RBFOX1: variants seen among roughly 807,000 people sequenced by gnomAD.
RBFOX1 encodes RNA binding protein fox-1 homolog 1.
A neutral mutation model predicts 57.7 loss-of-function variants in RBFOX1; 8 were observed. The ratio of observed to expected loss-of-function variants is 0.14; its 90% CI spans 0.08 to 0.25. RBFOX1 has a LOEUF of 0.25. RBFOX1 is among the 10% of genes least tolerant of loss of function. The probability of loss-of-function intolerance (pLI) is 1.00; values close to 1 mark genes in which losing one functional copy is unlikely to be tolerated. For synonymous variants in RBFOX1, 326 were observed against 222.4 expected (o/e 1.47, Z -4.15); for missense variants, 611 against 548.5 (o/e 1.11, Z -1.14).
chr16:5,650,299 C>T (rs2049192232), intron 3 of RBFOX1, among the ~76,000 whole-genome samples: 1 of 152,148 alleles, frequency 6.6e-6, no homozygotes, highest in Non-Finnish European at 1.5e-5. Context: ...CAGCCACACT[C>T]CTCGTCCTCT....
chr16:6,308,606 A>T (rs1045435337), intron 1 of RBFOX1, among the ~76,000 whole-genome samples: 1 of 152,178 alleles, frequency 6.6e-6, no homozygotes, highest in African/African-American at 2.4e-5. Context: ...TGTATGTTGT[A>T]AGTAAAAGAA....
intron 5 of RBFOX1, among the ~76,000 whole-genome samples, chr16:7,560,385 G>A (rs2090032350): frequency 6.6e-6 from 1 of 151,886 alleles, no homozygotes; most frequent in South Asian, 2.1e-4. Context: ...TCAGAAACAT[G>A]ACACAATGAG....
chr16:6,534,079 C>T (rs535009824), intron 2 of RBFOX1, among the ~76,000 whole-genome samples: 4 of 152,134 alleles, frequency 2.6e-5, no homozygotes, highest in Admixed American at 6.5e-5. Flanking sequence ...CATATCTGCA[C>T]ATAAGGCTTC....
chr16:6,754,422 A>G (rs892730228), intron 3 of RBFOX1, among the ~76,000 whole-genome samples: 1 of 152,228 alleles, frequency 6.6e-6, no homozygotes, highest in Non-Finnish European at 1.5e-5. Flanking sequence ...TTCAAAACCT[A>G]CGGTCGAAGA....
chr16:6,532,377 A>C (rs980317808), intron 2 of RBFOX1, among the ~76,000 whole-genome samples: 3 of 152,180 alleles, frequency 2.0e-5, no homozygotes, highest in Non-Finnish European at 4.4e-5. Context: ...GGAGGGTTTC[A>C]GAGCTGCCCT....
intron 4 of RBFOX1, among the ~76,000 whole-genome samples, chr16:5,898,731 T>C (rs1361700458): frequency 2.0e-5 from 3 of 151,976 alleles, no homozygotes; most frequent in African/African-American, 4.8e-5. Flanking sequence ...TATGCTCTAC[T>C]ATTTTGTAGC....
intron 3 of RBFOX1, among the ~76,000 whole-genome samples, chr16:6,757,687 A>G (rs1298857355): frequency 6.6e-6 from 1 of 152,146 alleles, no homozygotes; most frequent in East Asian, 1.9e-4. Flanking sequence ...ATTAATAAGT[A>G]CAAACATATG....
chr16:5,546,794 C>A (rs1304797154), intron 2 of RBFOX1, among the ~76,000 whole-genome samples: 1 of 152,124 alleles, frequency 6.6e-6, no homozygotes, highest in Non-Finnish European at 1.5e-5. Flanking sequence ...AAAAACTCTA[C>A]TTTGAAAAAC....
chr16:7,649,559 C>G (rs78593816), intron 11 of RBFOX1, among the ~76,000 whole-genome samples: 1 of 152,006 alleles, frequency 6.6e-6, no homozygotes, highest in Non-Finnish European at 1.5e-5. Context: ...TGCTTGCATG[C>G]TGTTTATCTG....
At chr16:5,630,404 C>T (rs1039290841) in intron 3 of RBFOX1, among the ~76,000 whole-genome samples, 2 of 151,976 alleles carry the variant, frequency 1.3e-5, no homozygotes, top group Admixed American at 1.3e-4. Flanking sequence ...TTGCAGTGAG[C>T]CAAGACCACG....
chr16:6,012,642 T>C (rs1218954336), intron 4 of RBFOX1, among the ~76,000 whole-genome samples: 1 of 152,212 alleles, frequency 6.6e-6, no homozygotes, highest in Non-Finnish European at 1.5e-5. Flanking sequence ...AGGGGATGTG[T>C]CATCTCATGG....
intron 1 of RBFOX1, among the ~76,000 whole-genome samples, chr16:6,189,527 A>G (rs1314769303): frequency 6.6e-6 from 1 of 152,152 alleles, no homozygotes; most frequent in Non-Finnish European, 1.5e-5. Flanking sequence ...GGTTTGGGAG[A>G]TAGCTTAGGT....
At chr16:6,061,121 CT>C (rs2095680637) in intron 1 of RBFOX1, among the ~76,000 whole-genome samples, 1 of 152,158 alleles carries the variant, frequency 6.6e-6, no homozygotes, top group Non-Finnish European at 1.5e-5. Context: ...GAAGTCACCC[CT>C]AGTCCAATCT....
At position 6,941,300 on chromosome 16, in the gene RBFOX1, CTCCTTCCTTCCTTCCTTCCT is replaced by C. The variant is rs57110590; in HGVS notation, c.-15-110718_-15-110699del. ...CTCCCTTCCCTCCTTCCCTCCCTCC[CTCCTTCCTTCCTTCCTTCCT>C]TCCTTCCTTCCTTCCTTCCTTCCTT... On this transcript the variant is annotated intron_variant, in intron 3 of 15. Transcript: ENST00000550418. 2.6e-3 allele frequency among the ~76,000 whole-genome samples: 207 copies of C among 79,212 alleles called. 3 individuals carry two copies. Among genetic ancestry groups the C allele is most frequent in the East Asian group, 0.015 (39 of 2,590 alleles). 52.0% of individuals were successfully genotyped at this position (79,212 alleles called of 152,430 possible).
chr16:6,404,025 TGA>T (rs2093181014), intron 2 of RBFOX1, among the ~76,000 whole-genome samples: 1 of 152,100 alleles, frequency 6.6e-6, no homozygotes. Flanking sequence ...TCCAGAAATC[TGA>T]GAGTGTAAAT....
intron 4 of RBFOX1, among the ~76,000 whole-genome samples, chr16:7,069,740 C>G (rs569469161): frequency 1.3e-5 from 2 of 152,220 alleles, no homozygotes; most frequent in Admixed American, 6.5e-5. Flanking sequence ...TGCCATCTCC[C>G]AGAGCTCTAC....
intron 2 of RBFOX1, among the ~76,000 whole-genome samples, chr16:6,628,801 A>G (rs968269770): frequency 1.3e-5 from 2 of 152,300 alleles, no homozygotes; most frequent in Non-Finnish European, 2.9e-5. Flanking sequence ...AAGTTTAGGT[A>G]TGATCTGTAT....
At chr16:7,034,832 T>TTTTTTTCTTTTTTG (rs2043841845) in intron 3 of RBFOX1, among the ~76,000 whole-genome samples, 2 of 113,522 alleles carry the variant, frequency 1.8e-5, no homozygotes, top group Non-Finnish European at 1.8e-5. Flanking sequence ...CATTACTTTT[T>TTTTTTTCTTTTTTG]TTTTTTTTCT....
chr16:7,629,209 A>G (rs1385717214), intron 10 of RBFOX1, among the ~76,000 whole-genome samples: 1 of 152,178 alleles, frequency 6.6e-6, no homozygotes, highest in Non-Finnish European at 1.5e-5. Flanking sequence ...TAACAGGGGA[A>G]GAGTGAGATG....
Sources: gnomAD v4.1 joint callset for allele counts (sites outside exome capture counted in the v4.1 genomes callset) on GRCh38, gnomAD v4.1.1 for gene constraint, MANE v1.5 for transcripts, NCBI Gene and HGNC (gene_info 2026-07-23, HGNC 2026-07-21) for gene names.